Variants in DIABLO observed in about 807,000 individuals in gnomAD.
DIABLO encodes the protein diablo homolog, mitochondrial.
A neutral mutation model predicts 31.7 loss-of-function variants in DIABLO; 32 were observed. That is an observed-to-expected ratio of 1.01 (90% CI 0.76 to 1.35). The LOEUF is 1.35. Among genes scored for constraint, DIABLO ranks in the 40% most tolerant of loss-of-function variants. The pLI, the probability that DIABLO is intolerant of heterozygous loss-of-function variation, is 0.00. For missense variants in DIABLO, 316 were observed against 286.4 expected (o/e 1.10, Z -0.75); for synonymous variants, 132 against 103.2 (o/e 1.28, Z -1.69).
intron 3 of DIABLO, chr12:122,217,706 G>C (rs985580481): frequency 1.3e-5 from 2 of 156,516 alleles, no homozygotes; most frequent in Non-Finnish European, 2.8e-5. Context: ...TTTTCTGCTA[G>C]AGATGGGGCT....
chr12:122,210,291 T>C (rs965796080), intron 5 of DIABLO, among the ~76,000 whole-genome samples: 8 of 152,132 alleles, frequency 5.3e-5, no homozygotes, highest in Admixed American at 1.3e-4. Flanking sequence ...TTTGGAAGAT[T>C]TGATAAAACT....
chr12:122,224,949 C>A, intron 1 of DIABLO: 1 of 747,124 alleles, frequency 1.3e-6, no homozygotes, highest in Non-Finnish European at 1.9e-6. Flanking sequence ...GACCCCGTGT[C>A]TATTAAAAAA....
intron 5 of DIABLO, chr12:122,209,039 AAT>A (rs1954013804): frequency 3.4e-6 from 1 of 297,972 alleles, no homozygotes; most frequent in Non-Finnish European, 6.5e-6. Flanking sequence ...AAAGGTATTA[AAT>A]ATGTTTTATA....
At chr12:122,220,859 G>A (rs1954320197) in intron 2 of DIABLO, 1 of 152,100 alleles carries the variant, frequency 6.6e-6, no homozygotes, top group African/African-American at 2.4e-5. Flanking sequence ...ACTACAAAAG[G>A]AAGAAAGACA....
chr12:122,210,421 G>C (rs1954056898), intron 5 of DIABLO, among the ~76,000 whole-genome samples: 1 of 147,064 alleles, frequency 6.8e-6, no homozygotes, highest in Non-Finnish European at 1.5e-5. Context: ...CACCCAGGCT[G>C]GAGTGCAGTG....
At chr12:122,223,215 G>A (rs1168457804) in intron 2 of DIABLO, among the ~76,000 whole-genome samples, 1 of 150,816 alleles carries the variant, frequency 6.6e-6, no homozygotes, top group East Asian at 2.0e-4. Context: ...CGTGTGGATC[G>A]CCTGAGGTCA....
At chr12:122,216,237 G>A (rs1462853039) in intron 5 of DIABLO, among the ~76,000 whole-genome samples, 1 of 152,182 alleles carries the variant, frequency 6.6e-6, no homozygotes, top group East Asian at 1.9e-4. Context: ...AATGGTAATA[G>A]TTTTATCATT....
intron 5 of DIABLO, among the ~76,000 whole-genome samples, chr12:122,210,823 A>AGTGCTGGGATTACAGGCGTGAGCC (rs1954070367): frequency 6.6e-6 from 1 of 151,964 alleles, no homozygotes; most frequent in African/African-American, 2.4e-5. Flanking sequence ...TTAGGTGTTT[A>AGTGCTGGGATTACAGGCGTGAGCC]AAAACCACTC....
intron 5 of DIABLO, among the ~76,000 whole-genome samples, chr12:122,214,773 T>C (rs1305152374): frequency 6.6e-6 from 1 of 151,722 alleles, no homozygotes; most frequent in African/African-American, 2.4e-5. Flanking sequence ...TGAGGTGCAG[T>C]GGAGCCATCT....
At chr12:122,226,400 G>A (rs1444164176), upstream of DIABLO, 6 of 686,500 alleles carry the variant, frequency 8.7e-6, no homozygotes, top group Non-Finnish European at 1.6e-5. Context: ...GGCCGGGCGG[G>A]AGGCGGGGCC....
intron 1 of DIABLO, 28 bp from the exon 2 acceptor site, chr12:122,224,672 G>A (rs1333197014): frequency 6.2e-7 from 1 of 1,614,102 alleles, no homozygotes; most frequent in African/African-American, 1.3e-5. Context: ...ATTTCATAAG[G>A]CACGACCGCC....
At position 122,214,053 on chromosome 12, in the gene DIABLO, C is replaced by G. The variant is rs577805641; in HGVS notation, c.523+2435G>C. Among the ~76,000 whole-genome samples, 316 of 152,154 alleles carry G rather than the reference C, an allele frequency of 2.1e-3. 2 individuals are homozygous for G. Among genetic ancestry groups the G allele is most frequent in the Non-Finnish European group, 3.7e-3 (252 of 68,006 alleles). On this transcript the variant is annotated intron_variant, in intron 5 of 5. Transcript: ENST00000464942. ...TGAGCTGAGTTCACACCACTGCACT[C>G]CAGCCTGGGGGATGGAATGAGACTG...
intron 1 of DIABLO, 182 bp from the exon 2 acceptor site, chr12:122,224,826 G>A (rs1954415463): frequency 7.9e-6 from 12 of 1,515,890 alleles, no homozygotes; most frequent in African/African-American, 1.4e-5. Flanking sequence ...CCTCAGGCAG[G>A]GTGTTGGTGG....
chr12:122,213,795 T>G (rs544713375), intron 5 of DIABLO, among the ~76,000 whole-genome samples: 1 of 151,778 alleles, frequency 6.6e-6, no homozygotes, highest in East Asian at 2.0e-4. Flanking sequence ...GGATCACTAC[T>G]TTTTCTGGGC....
intron 4 of DIABLO, 38 bp downstream of exon 4, chr12:122,216,721 G>A (rs758764481): frequency 6.3e-6 from 10 of 1,580,186 alleles, no homozygotes; most frequent in Admixed American, 3.3e-5. Flanking sequence ...CATGAGGTAG[G>A]TGCACTAACA....
chr12:122,220,253 A>G (rs1434213290), intron 2 of DIABLO, among the ~76,000 whole-genome samples: 1 of 151,930 alleles, frequency 6.6e-6, no homozygotes, highest in East Asian at 1.9e-4. Flanking sequence ...CCCTGACCTC[A>G]GCTATTTTAA....
chr12:122,225,071 G>A (rs990553606), intron 1 of DIABLO: 3 of 349,174 alleles, frequency 8.6e-6, no homozygotes, highest in South Asian at 2.3e-5. Flanking sequence ...AAATTAGCCC[G>A]GAGTGGTGGC....
At chr12:122,214,210 G>A (rs528888714) in intron 5 of DIABLO, among the ~76,000 whole-genome samples, 42 of 152,044 alleles carry the variant, frequency 2.8e-4, no homozygotes, top group Non-Finnish European at 4.3e-4. Context: ...CTTTGAGATG[G>A]GGTCTCACTC....
At chr12:122,208,800 G>T (rs776122803) in intron 5 of DIABLO, 2 of 649,908 alleles carry the variant, frequency 3.1e-6, no homozygotes, top group Non-Finnish European at 5.7e-6. Context: ...AGCTGTCAGC[G>T]GCCAACATCA....
Sources: gnomAD v4.1 joint callset for allele counts (sites outside exome capture counted in the v4.1 genomes callset) on GRCh38, gnomAD v4.1.1 for gene constraint, MANE v1.5 for transcripts, NCBI Gene and HGNC (gene_info 2026-07-23, HGNC 2026-07-21) for gene names.